The following TTC28 variants were observed in gnomAD, a reference collection of about 807,000 sequenced individuals.
TTC28 encodes tetratricopeptide repeat domain 28.
In TTC28, 61 loss-of-function variants were observed where a neutral mutation model predicts 198.0. That is an observed-to-expected ratio of 0.31 (90% CI 0.25 to 0.38). TTC28 has a LOEUF of 0.38. TTC28 is among the 10% of genes least tolerant of loss of function. The pLI is 1.00. For missense variants in TTC28, 2,678 were observed against 3,164.0 expected, an observed-to-expected ratio of 0.85 and a Z score of 3.69; for synonymous variants, 1,171 against 1,297.8, an observed-to-expected ratio of 0.90 and a Z score of 2.10.
chr22:28,020,252 C>T (rs1310698339), intron 13 of TTC28, among the ~76,000 whole-genome samples: 4 of 152,236 alleles, frequency 2.6e-5, no homozygotes, highest in Admixed American at 6.5e-5. Flanking sequence ...CCATGGCTGC[C>T]GGGACCCAGT....
chr22:28,651,311 C>CTTT (rs111469498), intron 1 of TTC28, among the ~76,000 whole-genome samples: 2 of 147,458 alleles, frequency 1.4e-5, no homozygotes, highest in Non-Finnish European at 3.0e-5. Context: ...TCTGTCACTC[C>CTTT]TTTTTTTTGA....
intron 5 of TTC28, among the ~76,000 whole-genome samples, chr22:28,273,595 A>G (rs1932231222): frequency 6.6e-6 from 1 of 152,214 alleles, no homozygotes; most frequent in South Asian, 2.1e-4. Flanking sequence ...GGTACAAAGT[A>G]TAATGGACAT....
At chr22:28,249,809 A>G (rs1035691619) in intron 5 of TTC28, among the ~76,000 whole-genome samples, 3 of 152,194 alleles carry the variant, frequency 2.0e-5, no homozygotes, top group Non-Finnish European at 4.4e-5. Context: ...AACTTAATAA[A>G]AATTCTTTAT....
intron 2 of TTC28, among the ~76,000 whole-genome samples, chr22:28,540,172 T>G (rs1219735998): frequency 1.4e-4 from 21 of 152,002 alleles, no homozygotes. Flanking sequence ...GGTCTCTATC[T>G]CCTGACCTCA....
chr22:28,530,525 C>T (rs1180049635), intron 2 of TTC28, among the ~76,000 whole-genome samples: 2 of 152,134 alleles, frequency 1.3e-5, no homozygotes, highest in Non-Finnish European at 2.9e-5. Flanking sequence ...CCTAGCAAGG[C>T]AGGCCAACAT....
At chr22:28,225,708 C>T (rs1025864976) in intron 5 of TTC28, among the ~76,000 whole-genome samples, 8 of 152,176 alleles carry the variant, frequency 5.3e-5, no homozygotes, top group South Asian at 2.1e-4. Flanking sequence ...AAAATCACCA[C>T]GGCAGGCAAC....
intron 13 of TTC28, chr22:28,028,699 A>C (rs756680843): frequency 1.3e-4 from 32 of 250,808 alleles, no homozygotes; most frequent in Non-Finnish European, 2.2e-4. Context: ...ATCCCTTCCA[A>C]AGTTTCTCCA....
rs1302436695 is a variant in TTC28, at chr22:27,978,588, G to A, written c.*3633C>T. On this transcript the variant is annotated 3_prime_UTR_variant, in exon 23 of 23. Transcript: ENST00000397906. The stretch of plus-strand genomic sequence containing the variant: ...AGAGAGAGCAGGATGAGGACAGCGT[G>A]GGTGACACCTTTGTCTCCTGCTAAA... The A allele has an allele frequency of 1.3e-5, 2 of 152,218 alleles. No individual in the cohort carries two copies. The highest frequency in any genetic ancestry group is 2.9e-5 in the Non-Finnish European group (2 of 68,036). The allele number at this position is 152,218 out of a possible 1,614,324, so 9.4% of individuals were successfully genotyped here. A position where few individuals can be genotyped will look rare whatever the true frequency, so the allele number is the denominator to read the frequency against.
intron 2 of TTC28, among the ~76,000 whole-genome samples, chr22:28,450,779 A>C (rs2047767321): frequency 6.6e-6 from 1 of 152,206 alleles, no homozygotes; most frequent in Non-Finnish European, 1.5e-5. Flanking sequence ...CTTTCCTAAC[A>C]TAACTAAAAA....
At chr22:28,308,986 T>TA (rs2045201174) in intron 2 of TTC28, among the ~76,000 whole-genome samples, 1 of 152,160 alleles carries the variant, frequency 6.6e-6, no homozygotes, top group Non-Finnish European at 1.5e-5. Flanking sequence ...CAATATTCAT[T>TA]GCATGTACAA....
In TTC28 at chr22:28,590,128, A is replaced by AT. The variant is rs1212753237; in HGVS notation, c.381+39423dup. 6.9e-3 allele frequency among the ~76,000 whole-genome samples: 932 copies of AT among 135,138 alleles called. 12 individuals carry two copies. Among genetic ancestry groups the AT allele is most frequent in the African/African-American group, 0.018 (673 of 36,844 alleles). 88.7% of individuals were successfully genotyped at this position (135,138 alleles called of 152,430 possible). On this transcript the variant is annotated intron_variant, in intron 2 of 22. Coordinates refer to ENST00000397906, the MANE Select transcript of TTC28 (RefSeq NM_001145418.2). ...CTCATGGGCTTCTTCCAATTTCTAA[A>AT]TTTTTTTTTTTTTTTTTGAGACGGA... is the stretch of plus-strand genomic sequence containing the variant.
At chr22:28,162,774 C>T (rs1053870965) in intron 6 of TTC28, among the ~76,000 whole-genome samples, 21 of 152,068 alleles carry the variant, frequency 1.4e-4, no homozygotes, top group Middle Eastern at 3.2e-3. Flanking sequence ...CATAAGAAGA[C>T]GCCTGTCTCT....
intron 2 of TTC28, among the ~76,000 whole-genome samples, chr22:28,482,337 G>A (rs868050046): frequency 1.4e-5 from 2 of 146,504 alleles, no homozygotes; most frequent in African/African-American, 5.1e-5. Context: ...TCAGCCTCCC[G>A]AGTAGCTGGG....
intron 2 of TTC28, among the ~76,000 whole-genome samples, chr22:28,449,356 T>G (rs1360344851): frequency 3.3e-5 from 5 of 152,362 alleles, no homozygotes; most frequent in African/African-American, 1.2e-4. Context: ...TGTAATGACC[T>G]GTGGAAGGCT....
intron 5 of TTC28, among the ~76,000 whole-genome samples, chr22:28,281,654 C>T (rs1223396995): frequency 6.6e-6 from 1 of 152,168 alleles, no homozygotes; most frequent in Non-Finnish European, 1.5e-5. Context: ...TGGACTACAT[C>T]CTGGACATTG....
chr22:28,514,994 G>C (rs1286212232), intron 2 of TTC28, among the ~76,000 whole-genome samples: 1 of 152,172 alleles, frequency 6.6e-6, no homozygotes, highest in African/African-American at 2.4e-5. Flanking sequence ...GAATAACGAA[G>C]TGAATACACA....
At chr22:28,047,867 C>A (rs114567857) in intron 12 of TTC28, among the ~76,000 whole-genome samples, 1,585 of 152,248 alleles carry the variant, frequency 0.01, 29 homozygotes, top group African/African-American at 0.036. Context: ...TCAGTTTTTT[C>A]TTCTGGTCCA....
intron 5 of TTC28, among the ~76,000 whole-genome samples, chr22:28,216,355 G>A (rs1247004644): frequency 1.3e-5 from 2 of 152,166 alleles, no homozygotes; most frequent in Admixed American, 1.3e-4. Flanking sequence ...AGTAAGAAAA[G>A]CCTTCAAAGA....
At chr22:28,390,730 T>C (rs1261716503) in intron 2 of TTC28, among the ~76,000 whole-genome samples, 5 of 152,218 alleles carry the variant, frequency 3.3e-5, no homozygotes, top group Admixed American at 2.6e-4. Flanking sequence ...TTTGAGCCTA[T>C]GTGTGTCTCT....
Sources: allele counts gnomAD v4.1 joint callset (sites outside exome capture counted in the v4.1 genomes callset), GRCh38; gene constraint gnomAD v4.1.1; transcripts MANE v1.5; gene names NCBI Gene and HGNC (gene_info 2026-07-23, HGNC 2026-07-21).